DNAH3: variants seen among roughly 807,000 people sequenced by gnomAD.
The protein encoded by DNAH3 is axonemal beta dynein heavy chain 3.
DNAH3 carries 332 observed loss-of-function variants against 432.5 expected under a neutral mutation model. The ratio of observed to expected loss-of-function variants is 0.77; its 90% CI spans 0.70 to 0.84. DNAH3 has a LOEUF of 0.84. DNAH3 is among the 40% of genes least tolerant of loss of function. DNAH3 has a pLI of 0.00. For synonymous variants in DNAH3, 1,956 were observed against 1,900.2 expected (o/e 1.03, Z -0.76); for missense variants, 4,861 against 5,114.0 (o/e 0.95, Z 1.51).
At chr16:21,106,722 T>C (rs2091956123) in intron 14 of DNAH3, 48 bp from the exon 15 acceptor site, 5 of 1,356,798 alleles carry the variant, frequency 3.7e-6, no homozygotes, top group Non-Finnish European at 4.9e-6. Flanking sequence ...ATCACCATCA[T>C]CACCATCTAA....
intron 49 of DNAH3, among the ~76,000 whole-genome samples, chr16:20,980,236 T>TAC (rs1491355593): frequency 8.4e-5 from 8 of 95,638 alleles, no homozygotes; most frequent in African/African-American, 2.4e-4. Flanking sequence ...TTATTTATAT[T>TAC]ATATATATAA....
At position 20,954,846 on chromosome 16, in the gene DNAH3, C is replaced by A. The variant is rs142557616; in HGVS notation, c.11038G>T (p.Val3680Phe). ...CCGAAGTTTCTTCTCTCTTGAACAA[C>A]GGCGTGGAAGAAACAAAGGCCAAAT... The change falls in exon 55 of 62, where the codon GTT becomes TTT. Residue 3680 changes from valine to phenylalanine, a missense_variant. By Grantham distance (50) the Val-to-Phe change is conservative. Transcript: ENST00000261383. The A allele has an allele frequency of 5.5e-3, 8,880 of 1,614,130 alleles. 44 individuals are homozygous for A. Among genetic ancestry groups the A allele is most frequent in the Non-Finnish European group, 5.3e-3 (6,267 of 1,180,010 alleles).
intron 37 of DNAH3, among the ~76,000 whole-genome samples, chr16:21,029,999 A>AT (rs572744717): frequency 5.3e-4 from 79 of 149,984 alleles, no homozygotes; most frequent in African/African-American, 1.6e-3. Context: ...ATTAAAACAA[A>AT]TTTTTTTTTT....
At chr16:21,011,948 T>C (rs2087622867) in intron 41 of DNAH3, among the ~76,000 whole-genome samples, 1 of 152,174 alleles carries the variant, frequency 6.6e-6, no homozygotes, top group Non-Finnish European at 1.5e-5. Context: ...ACTATTATTA[T>C]TGTCCCCATT....
Position 21,017,730 on chromosome 16 carries a change from A to C in DNAH3, c.6022+1894T>G, listed in dbSNP as rs569743436. Among the ~76,000 whole-genome samples the C allele has an allele frequency of 1.2e-4, 19 of 152,346 alleles. No individual in the cohort carries two copies. In the South Asian group the frequency reaches 3.9e-3, roughly 32 times the overall value. On this transcript the variant is annotated intron_variant, in intron 41 of 61. Transcript: ENST00000261383. ...GACCTGTCTCAGATTTTTGTGGTTC[A>C]CAATCTGACAGATGGCCATGTATCA... is the stretch of plus-strand genomic sequence containing the variant.
At chr16:21,138,889 C>A (rs2092680764) in intron 5 of DNAH3, among the ~76,000 whole-genome samples, 3 of 152,046 alleles carry the variant, frequency 2.0e-5, no homozygotes, top group Admixed American at 6.6e-5. Context: ...TACCCTGTAG[C>A]CCTAAGCACA....
At chr16:21,141,481 G>A (rs1432964756) in intron 3 of DNAH3, 109 bp from the exon 5 acceptor site, 5 of 764,636 alleles carry the variant, frequency 6.5e-6, no homozygotes, top group East Asian at 2.7e-5. Flanking sequence ...TAAGGGGAGC[G>A]GACATGGTAC....
intron 41 of DNAH3, among the ~76,000 whole-genome samples, chr16:21,011,005 G>T (rs1389754819): frequency 6.6e-6 from 1 of 151,448 alleles, no homozygotes; most frequent in Non-Finnish European, 1.5e-5. Context: ...ATCATGGTTT[G>T]TTTTATGCTG....
intron 52 of DNAH3, among the ~76,000 whole-genome samples, chr16:20,969,068 C>T (rs571852367): frequency 1.3e-5 from 2 of 149,934 alleles, no homozygotes; most frequent in South Asian, 2.1e-4. Context: ...AGTCTCTCCC[C>T]ATCTGCTTTT....
intron 3 of DNAH3, among the ~76,000 whole-genome samples, chr16:21,142,125 G>T (rs2092727148): frequency 6.6e-6 from 1 of 151,982 alleles, no homozygotes; most frequent in Non-Finnish European, 1.5e-5. Flanking sequence ...CCAGCACTTT[G>T]GGAGGCCGAG....
At chr16:20,966,656 A>C (rs1240027658) in intron 52 of DNAH3, among the ~76,000 whole-genome samples, 1 of 152,196 alleles carries the variant, frequency 6.6e-6, no homozygotes, top group Non-Finnish European at 1.5e-5. Context: ...ATATGGGTTG[A>C]ATGAATAGTA....
chr16:21,064,647 C>T (rs1330550099), intron 24 of DNAH3, among the ~76,000 whole-genome samples: 1 of 152,204 alleles, frequency 6.6e-6, no homozygotes, highest in African/African-American at 2.4e-5. Flanking sequence ...TGGATATACA[C>T]TCCCTCTATC....
intron 21 of DNAH3, among the ~76,000 whole-genome samples, chr16:21,072,843 CTATTATTAT>C (rs749609788): frequency 1.7e-5 from 2 of 115,844 alleles, no homozygotes; most frequent in East Asian, 2.6e-4. Flanking sequence ...ATTATTATTA[CTATTATTAT>C]TATTATTATT....
At chr16:21,067,755 C>T (rs936587154) in intron 23 of DNAH3, among the ~76,000 whole-genome samples, 1 of 18,060 alleles carries the variant, frequency 5.5e-5, no homozygotes, top group African/African-American at 2.8e-4. Flanking sequence ...GAAAGCCAGT[C>T]TTGGGGGGGG....
intron 41 of DNAH3, among the ~76,000 whole-genome samples, chr16:21,016,073 G>C (rs935299132): frequency 6.6e-6 from 1 of 152,098 alleles, no homozygotes; most frequent in Admixed American, 6.6e-5. Flanking sequence ...ACAGGTGTGA[G>C]CCACTGTGCC....
chr16:21,145,623 A>G (rs1373588595), intron 2 of DNAH3, among the ~76,000 whole-genome samples: 1 of 152,216 alleles, frequency 6.6e-6, no homozygotes, highest in Non-Finnish European at 1.5e-5. Context: ...GCTTGCATTC[A>G]CCAGTAATTT....
intron 21 of DNAH3, among the ~76,000 whole-genome samples, chr16:21,072,518 G>A (rs2090827457): frequency 6.6e-6 from 1 of 151,956 alleles, no homozygotes; most frequent in Non-Finnish European, 1.5e-5. Flanking sequence ...GCAGAGATGG[G>A]GTTTCACCAT....
chr16:20,938,721 G>A lies in DNAH3; in HGVS notation c.11655-1868C>T, dbSNP rs74014657. Among the ~76,000 whole-genome samples the A allele has an allele frequency of 2.4e-3, 356 of 149,016 alleles. 2 individuals carry two copies. Among genetic ancestry groups the A allele is most frequent in the African/African-American group, 7.9e-3 (320 of 40,606 alleles). Reference sequence around the variant, plus strand: ...AAAAAAATAGTGGGGAGGAACGTTAGAGTACTGCTTGAGATGATTAATCCT... The same window carrying A: ...AAAAAAATAGTGGGGAGGAACGTTAAAGTACTGCTTGAGATGATTAATCCT... On this transcript the variant is annotated intron_variant, in intron 59 of 61. Transcript: ENST00000261383.
intron 1 of DNAH3, among the ~76,000 whole-genome samples, chr16:21,152,890 G>A (rs896842212): frequency 2.6e-5 from 4 of 152,224 alleles, no homozygotes; most frequent in Admixed American, 2.6e-4. Flanking sequence ...CCCCCTCCGT[G>A]GGCTCCTGTG....
Sources: allele counts gnomAD v4.1 joint callset (sites outside exome capture counted in the v4.1 genomes callset), GRCh38; gene constraint gnomAD v4.1.1; transcripts MANE v1.5; gene names NCBI Gene and HGNC (gene_info 2026-07-23, HGNC 2026-07-21).